The following UGT3A2 variants were observed in gnomAD, a reference collection of about 807,000 sequenced individuals.
The protein encoded by UGT3A2 is UDP-glycosyltransferase 3A2.
Under a neutral mutation model 39.8 loss-of-function variants are expected in UGT3A2, and 32 were observed. That is an observed-to-expected ratio of 0.80 (90% CI 0.61 to 1.08). The LOEUF is 1.08. UGT3A2 is among the 50% of genes least tolerant of loss of function. The probability of loss-of-function intolerance (pLI) is 0.00; values close to 1 mark genes in which losing one functional copy is unlikely to be tolerated. For missense variants in UGT3A2, 611 were observed against 637.1 expected, an observed-to-expected ratio of 0.96 and a Z score of 0.44; for synonymous variants, 241 against 230.7, an observed-to-expected ratio of 1.04 and a Z score of -0.40.
chr5:36,043,452 C>T (rs752340338), intron 4 of UGT3A2, among the ~76,000 whole-genome samples: 11 of 151,716 alleles, frequency 7.3e-5, no homozygotes, highest in South Asian at 2.1e-4. Context: ...AAACAACCTA[C>T]GGATGCATCT....
At chr5:36,048,432 C>G (rs74778561) in intron 4 of UGT3A2, among the ~76,000 whole-genome samples, 2 of 152,122 alleles carry the variant, frequency 1.3e-5, no homozygotes, top group Non-Finnish European at 1.5e-5. Context: ...GAGATAACAC[C>G]GGCAGTTCTT....
chr5:36,065,299 C>A (rs1414281016), intron 1 of UGT3A2, among the ~76,000 whole-genome samples: 1 of 152,020 alleles, frequency 6.6e-6, no homozygotes, highest in African/African-American at 2.4e-5. Flanking sequence ...TTACTTATAC[C>A]CAGGCTTGAA....
intron 4 of UGT3A2, among the ~76,000 whole-genome samples, chr5:36,048,303 G>A (rs983231595): frequency 2.0e-5 from 3 of 152,172 alleles, no homozygotes; most frequent in African/African-American, 7.2e-5. Context: ...ATTGCGCTGT[G>A]CATTCAAATC....
In UGT3A2 at chr5:36,065,478, T is replaced by C. The variant is rs1581024130; in HGVS notation, c.95-1128A>G. 2.6e-5 allele frequency among the ~76,000 whole-genome samples: 4 copies of C among 152,098 alleles called. No individual in the cohort carries two copies. The East Asian group carries it at 7.7e-4, about 29-fold the overall frequency. ...CTTTCTGGGGCAAAAATCAGCATTC[T>C]AGCACCTCAGAAATGACATCAACTC... On this transcript the variant is annotated intron_variant, in intron 1 of 6. Coordinates refer to ENST00000282507, the MANE Select transcript of UGT3A2 (RefSeq NM_174914.4).
At chr5:36,038,182 C>T (rs1484901359) in intron 5 of UGT3A2, among the ~76,000 whole-genome samples, 166 bp from the exon 6 acceptor site, 1 of 152,274 alleles carries the variant, frequency 6.6e-6, no homozygotes, top group South Asian at 2.1e-4. Flanking sequence ...TTCCAAGATA[C>T]AAGATTCCAA....
chr5:36,049,384 G>A lies in UGT3A2; in HGVS notation c.348C>T (p.Tyr116=). ...KFENLLNVLE[Y]LALQCSHFLN... ...AAAAATGACTGCACTGCAACGCCAA[G>A]TATTCTAGAACATTTAATAAGTTTT... Residue 116 remains tyrosine, a synonymous_variant, in exon 4 of 7, where the codon TAC becomes TAT. Transcript: ENST00000282507. The A allele has an allele frequency of 1.3e-6, 2 of 1,591,732 alleles. No individual in the cohort carries two copies. The highest frequency in any genetic ancestry group is 1.7e-6 in the Non-Finnish European group (2 of 1,172,546).
chr5:36,046,602 C>T lies in UGT3A2; in HGVS notation c.843+2287G>A, dbSNP rs138611440. 3.0e-4 allele frequency among the ~76,000 whole-genome samples: 46 copies of T among 151,726 alleles called. No homozygotes were observed. In the East Asian group the frequency reaches 7.7e-3, roughly 26 times the overall value. On this transcript the variant is annotated intron_variant, in intron 4 of 6. Transcript: ENST00000282507. ...AGATAGCAGAACGATTGTTACCAGA[C>T]GCTGGGATGGGTAGTTAGGGGCTGG...
At chr5:36,064,089 C>T (rs1742801822) in intron 2 of UGT3A2, among the ~76,000 whole-genome samples, 160 bp downstream of exon 2, 1 of 152,026 alleles carries the variant, frequency 6.6e-6, no homozygotes, top group Non-Finnish European at 1.5e-5. Context: ...TAATTAGAGA[C>T]TAAGAAGTTT....
At chr5:36,046,489 T>C (rs953120545) in intron 4 of UGT3A2, among the ~76,000 whole-genome samples, 2 of 152,188 alleles carry the variant, frequency 1.3e-5, no homozygotes, top group East Asian at 3.9e-4. Flanking sequence ...ATACATTATG[T>C]TAAGTGAACT....
At position 36,046,022 on chromosome 5, in the gene UGT3A2, T is replaced by C. The variant is rs925316634; in HGVS notation, c.843+2867A>G. 3.3e-5 allele frequency among the ~76,000 whole-genome samples: 5 copies of C among 152,188 alleles called. No individual in the cohort carries two copies. In the South Asian group the frequency reaches 8.3e-4, roughly 25 times the overall value. On this transcript the variant is annotated intron_variant, in intron 4 of 6. Coordinates refer to ENST00000282507, the MANE Select transcript of UGT3A2 (RefSeq NM_174914.4). ...AATGGCAAACAGGCATATAAAAGGT[T>C]TGCTCAGTGTCACTGATTATCACAG...
At chr5:36,065,330 C>T (rs533610212) in intron 1 of UGT3A2, among the ~76,000 whole-genome samples, 1 of 152,214 alleles carries the variant, frequency 6.6e-6, no homozygotes, top group Non-Finnish European at 1.5e-5. Context: ...CAACAAGGGA[C>T]GTATAAAGTA....
intron 6 of UGT3A2, 61 bp from the exon 7 acceptor site, chr5:36,036,035 G>A: frequency 6.4e-7 from 1 of 1,573,728 alleles, no homozygotes; most frequent in South Asian, 1.2e-5. Flanking sequence ...TAGAATGTAT[G>A]ATCCGTTCTA....
In UGT3A2 at chr5:36,059,281, G is replaced by A. The variant is rs1241547936; in HGVS notation, c.196+4968C>T. 2.0e-5 allele frequency among the ~76,000 whole-genome samples: 3 copies of A among 151,360 alleles called. No homozygotes were observed. In the East Asian group the frequency reaches 5.8e-4, roughly 29 times the overall value. On this transcript the variant is annotated intron_variant, in intron 2 of 6. Coordinates refer to ENST00000282507, the MANE Select transcript of UGT3A2 (RefSeq NM_174914.4). The stretch of plus-strand genomic sequence containing the variant: ...AGGTCAGTGTTCTAAAACATGTACT[G>A]TTTAGTGCCCTAGAGGTCCAAAGAA...
Position 36,038,006 on chromosome 5 carries a change from G to T in UGT3A2, c.1086C>A (p.Ser362Arg), listed in dbSNP as rs1741886135. Reference sequence around the variant, plus strand: ...CGCCGTGGGTGACAAACAGACGGATGCTTGGGTGAGCTGTTGTAAATAAGA... The same window carrying T: ...CGCCGTGGGTGACAAACAGACGGATTCTTGGGTGAGCTGTTGTAAATAAGA... The part of the protein sequence containing the change: ...LPQSDLLAHP[S>R]IRLFVTHGGQ... Residue 362 changes from serine (S) to arginine (R), a missense_variant, in exon 6 of 7, where the codon AGC (serine) becomes AGA (arginine). Physicochemically the swap from Ser to Arg is moderately radical, Grantham distance 110. Coordinates refer to ENST00000282507, the MANE Select transcript of UGT3A2 (RefSeq NM_174914.4). The T allele has an allele frequency of 1.9e-6, 3 of 1,594,806 alleles. No homozygotes were observed. In the African/African-American group the frequency reaches 4.0e-5, roughly 22 times the overall value.
chr5:36,066,528 C>T (rs1417473161), intron 1 of UGT3A2, among the ~76,000 whole-genome samples, 168 bp downstream of exon 1: 2 of 152,212 alleles, frequency 1.3e-5, no homozygotes, highest in African/African-American at 4.8e-5. Context: ...GCAATAGAGG[C>T]CCCTCTCTGC....
rs145191149 is a variant in UGT3A2, at chr5:36,052,850, T to C, written c.197-866A>G. On this transcript the variant is annotated intron_variant, in intron 2 of 6. Coordinates refer to ENST00000282507, the MANE Select transcript of UGT3A2 (RefSeq NM_174914.4). ...AAATTTTGTGTAAGGATTGGGGGTA[T>C]GTTAACAGATAGCCCCACATATTAA... is the stretch of plus-strand genomic sequence containing the variant. Among the ~76,000 whole-genome samples, 73 of 152,300 alleles carry C rather than the reference T, an allele frequency of 4.8e-4. 1 individual carries two copies. Among genetic ancestry groups the C allele is most frequent in the African/African-American group, 1.6e-3 (68 of 41,548 alleles).
rs1261115759 is a variant in UGT3A2 at position 36,035,061 on chromosome 5, A to G, written c.*637T>C. ...ATAACGCTGTAAACTTTTATTTTTC[A>G]GGAAATCTGGAAACCTACAGTCTCC... On this transcript the variant is annotated 3_prime_UTR_variant, in exon 7 of 7. Transcript: ENST00000282507. 1 of 152,650 alleles carries G rather than the reference A, an allele frequency of 6.6e-6. No individual in the cohort carries two copies. Among genetic ancestry groups the G allele is most frequent in the Non-Finnish European group, 1.5e-5 (1 of 68,336 alleles). 9.5% of individuals were successfully genotyped at this position (152,650 alleles called of 1,614,324 possible). A position where few individuals can be genotyped will look rare whatever the true frequency, so the allele number is the denominator to read the frequency against.
chr5:36,055,349 C>T (rs563487351), intron 2 of UGT3A2, among the ~76,000 whole-genome samples: 8 of 152,132 alleles, frequency 5.3e-5, no homozygotes, highest in Admixed American at 5.2e-4. Context: ...TCATGTGCCT[C>T]GGTCCTCTGA....
chr5:36,038,794 G>C (rs1482710011), intron 5 of UGT3A2, among the ~76,000 whole-genome samples: 1 of 152,174 alleles, frequency 6.6e-6, no homozygotes, highest in Admixed American at 6.5e-5. Context: ...ATTCTTTTCA[G>C]CCATGATCTT....
Sources: gnomAD v4.1 joint callset for allele counts (sites outside exome capture counted in the v4.1 genomes callset) on GRCh38, gnomAD v4.1.1 for gene constraint, MANE v1.5 for transcripts, NCBI Gene and HGNC (gene_info 2026-07-23, HGNC 2026-07-21) for gene names.